Variants in TRIP12 observed in about 807,000 individuals in gnomAD.
The protein encoded by TRIP12 is E3 ubiquitin-protein ligase TRIP12.
In TRIP12, 25 loss-of-function variants were observed where a neutral mutation model predicts 244.2. That is an observed-to-expected ratio of 0.10 (90% CI 0.07 to 0.14). The LOEUF is 0.14. Ranked by LOEUF, TRIP12 falls within the 10% of genes least tolerant of loss-of-function variation. TRIP12 has a pLI of 1.00. For synonymous variants in TRIP12, 905 were observed against 873.1 expected (o/e 1.04, Z -0.64); for missense variants, 1,677 against 2,486.4 (o/e 0.67, Z 6.92).
At chr2:229,902,091 T>C (rs928506124) in intron 1 of TRIP12, among the ~76,000 whole-genome samples, 7 of 152,082 alleles carry the variant, frequency 4.6e-5, no homozygotes, top group African/African-American at 1.4e-4. Context: ...TAACCTCTAA[T>C]TGAAATTAAA....
At chr2:229,851,038 C>T (rs976634320) in intron 4 of TRIP12, among the ~76,000 whole-genome samples, 13 of 152,228 alleles carry the variant, frequency 8.5e-5, no homozygotes, top group African/African-American at 3.1e-4. Flanking sequence ...GCCTCCCCGA[C>T]GAGCGCCGCC....
At chr2:229,796,075 C>G (rs1166568605) in intron 25 of TRIP12, among the ~76,000 whole-genome samples, 1 of 152,216 alleles carries the variant, frequency 6.6e-6, no homozygotes, top group Non-Finnish European at 1.5e-5. Flanking sequence ...CCCTCTTGCT[C>G]TGGCCCACTT....
intron 2 of TRIP12, among the ~76,000 whole-genome samples, chr2:229,877,765 G>GT (rs963856282): frequency 6.6e-6 from 1 of 152,150 alleles, no homozygotes; most frequent in Non-Finnish European, 1.5e-5. Context: ...TCTACACGCA[G>GT]TTTTTTAAAA....
At chr2:229,792,372 T>C (rs1035330973) in intron 27 of TRIP12, 146 bp from the exon 28 acceptor site, 5 of 799,204 alleles carry the variant, frequency 6.3e-6, no homozygotes, top group Middle Eastern at 3.8e-4. Flanking sequence ...CCAGAAGTGT[T>C]TTAGATTTCA....
At chr2:229,914,329 A>G (rs1051368791) in intron 1 of TRIP12, among the ~76,000 whole-genome samples, 2 of 152,256 alleles carry the variant, frequency 1.3e-5, no homozygotes, top group Non-Finnish European at 2.9e-5. Flanking sequence ...AGGAAGAAAC[A>G]GTTCAATCTG....
chr2:229,802,551 CA>C, intron 20 of TRIP12, 92 bp from the exon 21 acceptor site: 1 of 888,904 alleles, frequency 1.1e-6, no homozygotes, highest in Non-Finnish European at 1.7e-6. Context: ...CCAACACTGA[CA>C]TAATACACAA....
At chr2:229,858,260 G>A (rs536143304) in intron 4 of TRIP12, among the ~76,000 whole-genome samples, 2 of 152,134 alleles carry the variant, frequency 1.3e-5, no homozygotes, top group Admixed American at 6.5e-5. Context: ...TTACTCTGGA[G>A]GCCAAGGCAA....
At chr2:229,815,845 CTAAT>C (rs1431015894) in intron 9 of TRIP12, among the ~76,000 whole-genome samples, 11 of 152,094 alleles carry the variant, frequency 7.2e-5, no homozygotes, top group African/African-American at 1.2e-4. Context: ...ACATCAGAAA[CTAAT>C]TATGCACTAA....
intron 4 of TRIP12, among the ~76,000 whole-genome samples, chr2:229,850,093 G>A (rs2058373672): frequency 6.6e-6 from 1 of 152,140 alleles, no homozygotes; most frequent in Admixed American, 6.5e-5. Flanking sequence ...AGAATATAAA[G>A]GGCAATTACT....
intron 1 of TRIP12, among the ~76,000 whole-genome samples, chr2:229,892,676 G>T (rs1247151794): frequency 1.3e-5 from 2 of 152,020 alleles, no homozygotes; most frequent in African/African-American, 4.8e-5. Flanking sequence ...GACCAGCCTG[G>T]GCAGCATGGC....
intron 4 of TRIP12, among the ~76,000 whole-genome samples, chr2:229,842,048 A>T (rs964179526): frequency 6.6e-6 from 1 of 152,246 alleles, no homozygotes; most frequent in Admixed American, 6.5e-5. Context: ...AACATGAAAC[A>T]GAAGCTATAA....
intron 2 of TRIP12, among the ~76,000 whole-genome samples, chr2:229,861,299 C>A (rs1270377277): frequency 6.6e-6 from 1 of 152,152 alleles, no homozygotes; most frequent in Non-Finnish European, 1.5e-5. Context: ...CATGAAAAAA[C>A]TGTTTTCAGT....
chr2:229,844,592 CAATGA>C (rs2057196638), intron 4 of TRIP12, among the ~76,000 whole-genome samples: 1 of 152,166 alleles, frequency 6.6e-6, no homozygotes, highest in African/African-American at 2.4e-5. Context: ...AGTATTCTAG[CAATGA>C]AATAAGTAAA....
intron 16 of TRIP12, 39 bp downstream of exon 16, chr2:229,808,213 G>T (rs189837991): frequency 1.4e-6 from 2 of 1,454,664 alleles, no homozygotes; most frequent in South Asian, 1.1e-5. Flanking sequence ...TGATTCACCC[G>T]CCTTGGCCTC....
chr2:229,896,506 G>A (rs1304467907), intron 1 of TRIP12, among the ~76,000 whole-genome samples: 1 of 152,086 alleles, frequency 6.6e-6, no homozygotes, highest in African/African-American at 2.4e-5. Context: ...GGCATGGTCA[G>A]GAGGCTGAGG....
chr2:229,867,026 C>T (rs2061609201), intron 2 of TRIP12, among the ~76,000 whole-genome samples: 1 of 150,294 alleles, frequency 6.7e-6, no homozygotes, highest in South Asian at 2.1e-4. Context: ...ATTCATGTAA[C>T]CAAAAACTAC....
At chr2:229,845,948 G>A (rs2154318149) in intron 4 of TRIP12, among the ~76,000 whole-genome samples, 1 of 149,578 alleles carries the variant, frequency 6.7e-6, no homozygotes, top group African/African-American at 2.5e-5. Context: ...GATTACTTGA[G>A]CAGTGAGCTA....
chr2:229,871,599 T>C (rs1401710894), intron 2 of TRIP12, among the ~76,000 whole-genome samples: 3 of 152,154 alleles, frequency 2.0e-5, no homozygotes, highest in Non-Finnish European at 4.4e-5. Context: ...CCTGAGGCCC[T>C]CACCAGGAGC....
chr2:229,865,103 G>T (rs552088577), intron 2 of TRIP12, among the ~76,000 whole-genome samples: 1 of 152,164 alleles, frequency 6.6e-6, no homozygotes, highest in East Asian at 1.9e-4. Context: ...GAGCTCAGGA[G>T]TTCAAACAGA....
Sources: gnomAD v4.1 joint callset for allele counts (sites outside exome capture counted in the v4.1 genomes callset) on GRCh38, gnomAD v4.1.1 for gene constraint, MANE v1.5 for transcripts, NCBI Gene and HGNC (gene_info 2026-07-23, HGNC 2026-07-21) for gene names.